The following RBPMS variants were observed in gnomAD, a reference collection of about 807,000 sequenced individuals.
RBPMS encodes RNA binding protein, mRNA processing factor.
Under a neutral mutation model 26.8 loss-of-function variants are expected in RBPMS, and 7 were observed. That is an observed-to-expected ratio of 0.26 (90% CI 0.15 to 0.49). The LOEUF (loss-of-function observed/expected upper bound fraction) is 0.49, where lower values mean the gene tolerates loss of function less well. RBPMS is among the 20% of genes least tolerant of loss of function. The pLI, the probability that RBPMS is intolerant of heterozygous loss-of-function variation, is 0.98. For synonymous variants in RBPMS, 96 were observed against 93.3 expected, an observed-to-expected ratio of 1.03 and a Z score of -0.17; for missense variants, 186 against 250.0, an observed-to-expected ratio of 0.74 and a Z score of 1.73.
At chr8:30,482,732 A>G (rs1315751289) in intron 4 of RBPMS, among the ~76,000 whole-genome samples, 1 of 152,154 alleles carries the variant, frequency 6.6e-6, no homozygotes, top group Non-Finnish European at 1.5e-5. Flanking sequence ...TCATTAATCC[A>G]CATCATTAAA....
intron 1 of RBPMS, among the ~76,000 whole-genome samples, chr8:30,413,133 C>T (rs372641048): frequency 2.1e-3 from 313 of 152,352 alleles, no homozygotes; most frequent in Admixed American, 4.1e-3. Context: ...GGCTGGAGTG[C>T]AGTGGCACCA....
At chr8:30,388,463 TATAAC>T (rs1807375169) in intron 1 of RBPMS, among the ~76,000 whole-genome samples, 1 of 128,840 alleles carries the variant, frequency 7.8e-6, no homozygotes, top group Admixed American at 7.6e-5. Flanking sequence ...TAAGCTAACT[TATAAC>T]TTATAGCTAT....
chr8:30,523,370 G>A (rs911603808), intron 5 of RBPMS, among the ~76,000 whole-genome samples: 2 of 147,956 alleles, frequency 1.4e-5, no homozygotes, highest in Admixed American at 1.4e-4. Flanking sequence ...GAGTGAAACT[G>A]TGTCTCAAAA....
At chr8:30,537,493 C>T (rs1219994791) in intron 5 of RBPMS, 8 of 450,182 alleles carry the variant, frequency 1.8e-5, no homozygotes, top group African/African-American at 4.0e-5. Flanking sequence ...GCTGAGAACC[C>T]GCATTTGGGT....
intron 1 of RBPMS, among the ~76,000 whole-genome samples, chr8:30,462,381 A>G (rs1276288608): frequency 6.6e-6 from 1 of 152,236 alleles, no homozygotes; most frequent in Non-Finnish European, 1.5e-5. Context: ...ATGATTAAAC[A>G]AACAGGAATA....
chr8:30,541,797 T>C (rs977909507), intron 5 of RBPMS, among the ~76,000 whole-genome samples: 1 of 152,208 alleles, frequency 6.6e-6, no homozygotes, highest in Admixed American at 6.5e-5. Flanking sequence ...GGGGAGTCCT[T>C]GTGAAGGGCT....
chr8:30,507,942 A>C (rs527284643), intron 5 of RBPMS, among the ~76,000 whole-genome samples: 18 of 152,206 alleles, frequency 1.2e-4, no homozygotes, highest in Non-Finnish European at 2.6e-4. Flanking sequence ...AAGTCTAGTA[A>C]CTTTCCTGAG....
At chr8:30,437,084 G>A (rs1456053409) in intron 1 of RBPMS, among the ~76,000 whole-genome samples, 2 of 151,558 alleles carry the variant, frequency 1.3e-5, no homozygotes, top group Admixed American at 6.6e-5. Context: ...CACCATGCCC[G>A]CTAATTTTTT....
chr8:30,515,872 G>T (rs1218490399), intron 5 of RBPMS, among the ~76,000 whole-genome samples: 1 of 152,006 alleles, frequency 6.6e-6, no homozygotes. Context: ...GCCCAGGCTG[G>T]TCTTGAGCTC....
chr8:30,497,953 A>C (rs990988763), intron 4 of RBPMS, among the ~76,000 whole-genome samples: 3 of 151,358 alleles, frequency 2.0e-5, no homozygotes, highest in African/African-American at 7.3e-5. Context: ...AGCAAATTTG[A>C]CCTTGAGTTT....
chr8:30,456,515 G>C (rs1324639409), intron 1 of RBPMS, among the ~76,000 whole-genome samples: 1 of 151,892 alleles, frequency 6.6e-6, no homozygotes, highest in East Asian at 1.9e-4. Flanking sequence ...TTAAAATCAT[G>C]GTTATATTGT....
At chr8:30,413,591 G>C (rs1809708421) in intron 1 of RBPMS, among the ~76,000 whole-genome samples, 1 of 152,000 alleles carries the variant, frequency 6.6e-6, no homozygotes, top group South Asian at 2.1e-4. Context: ...CAAGAAAGTG[G>C]CACAAGGTTA....
At chr8:30,465,646 G>A (rs935715544) in intron 1 of RBPMS, among the ~76,000 whole-genome samples, 1 of 152,202 alleles carries the variant, frequency 6.6e-6, no homozygotes. Flanking sequence ...AATTAGCCAG[G>A]TGTGATGGCA....
At chr8:30,424,986 C>G (rs1428154889) in intron 1 of RBPMS, among the ~76,000 whole-genome samples, 1 of 152,164 alleles carries the variant, frequency 6.6e-6, no homozygotes, top group Non-Finnish European at 1.5e-5. Flanking sequence ...GGGTTTCACT[C>G]TGTCATCCAC....
intron 4 of RBPMS, among the ~76,000 whole-genome samples, chr8:30,498,917 TATATC>T (rs1341538914): frequency 1.3e-5 from 2 of 152,094 alleles, no homozygotes; most frequent in South Asian, 2.1e-4. Flanking sequence ...ATATTTTAAA[TATATC>T]TATATGATGC....
rs540039384 is a variant in RBPMS, at chr8:30,466,453, G to A, written c.67-8326G>A. Reference sequence around the variant, plus strand: ...CCTAGCTACTTGGTTGGCTGAGGTGGGAGAATCACTTGAGCCCAGGCGTTC... The same window carrying A: ...CCTAGCTACTTGGTTGGCTGAGGTGAGAGAATCACTTGAGCCCAGGCGTTC... On this transcript the variant is annotated intron_variant, in intron 1 of 8. Transcript: ENST00000397323. Among the ~76,000 whole-genome samples the A allele has an allele frequency of 2.0e-5, 3 of 152,158 alleles. No homozygotes were observed. In the East Asian group the frequency reaches 5.8e-4, roughly 29 times the overall value.
At chr8:30,475,825 G>A (rs1563354804) in intron 2 of RBPMS, among the ~76,000 whole-genome samples, 1 of 152,144 alleles carries the variant, frequency 6.6e-6, no homozygotes, top group Non-Finnish European at 1.5e-5. Context: ...TGTCATAAGG[G>A]ACATAAGTCC....
chr8:30,572,184 A>G lies in RBPMS; in HGVS notation c.*1659A>G, dbSNP rs1442838920. 6.6e-6 allele frequency: 1 copy of G among 152,216 alleles called. No individual in the cohort carries two copies. The highest frequency in any genetic ancestry group is 1.9e-4 in the East Asian group (1 of 5,204). The allele number at this position is 152,216 out of a possible 1,614,324, so 9.4% of individuals were successfully genotyped here. On this transcript the variant is annotated 3_prime_UTR_variant, in exon 9 of 9. Coordinates refer to ENST00000397323, the MANE Select transcript of RBPMS (RefSeq NM_001008710.3). The stretch of plus-strand genomic sequence containing the variant: ...AAAATAGCCACTTCTGCAGTCTATT[A>G]TGCTTTTATAACTGTTTAAAGGTAC...
intron 1 of RBPMS, among the ~76,000 whole-genome samples, chr8:30,393,690 G>T (rs1464235176): frequency 2.6e-5 from 4 of 151,894 alleles, no homozygotes; most frequent in Non-Finnish European, 4.4e-5. Flanking sequence ...GCTAATTTTT[G>T]TATTTTTAGT....
Sources: gnomAD v4.1 joint callset for allele counts (sites outside exome capture counted in the v4.1 genomes callset) on GRCh38, gnomAD v4.1.1 for gene constraint, MANE v1.5 for transcripts, NCBI Gene and HGNC (gene_info 2026-07-23, HGNC 2026-07-21) for gene names.